NCOA1: variants seen among roughly 807,000 people sequenced by gnomAD.
NCOA1 encodes nuclear receptor coactivator 1.
A neutral mutation model predicts 150.9 loss-of-function variants in NCOA1; 35 were observed. The ratio of observed to expected loss-of-function variants is 0.23; its 90% CI spans 0.18 to 0.31. The LOEUF is 0.31. Ranked by LOEUF, NCOA1 falls within the 10% of genes least tolerant of loss-of-function variation. The pLI is 1.00. For synonymous variants in NCOA1, 590 were observed against 630.0 expected, an observed-to-expected ratio of 0.94 and a Z score of 0.95; for missense variants, 1,491 against 1,749.3, an observed-to-expected ratio of 0.85 and a Z score of 2.63.
chr2:24,501,378 TAACA>T (rs1252801944), intron 1 of NCOA1, among the ~76,000 whole-genome samples: 4 of 152,152 alleles, frequency 2.6e-5, no homozygotes, highest in Admixed American at 2.0e-4. Context: ...GATATAAAAA[TAACA>T]AACCATGTTC....
intron 17 of NCOA1, among the ~76,000 whole-genome samples, chr2:24,735,628 C>T (rs982932320): frequency 3.9e-5 from 6 of 151,918 alleles, no homozygotes; most frequent in African/African-American, 1.5e-4. Context: ...AAGATTGTAA[C>T]ATTTTAAATT....
intron 1 of NCOA1, among the ~76,000 whole-genome samples, chr2:24,544,879 A>G (rs1449086367): frequency 6.6e-6 from 1 of 152,238 alleles, no homozygotes; most frequent in Non-Finnish European, 1.5e-5. Context: ...ATGAATGGTG[A>G]ATCATGGGAA....
intron 5 of NCOA1, among the ~76,000 whole-genome samples, chr2:24,662,933 G>T (rs1037838971): frequency 6.6e-6 from 1 of 151,146 alleles, no homozygotes; most frequent in Non-Finnish European, 1.5e-5. Flanking sequence ...GACTACAGGC[G>T]CACACCATCA....
intron 1 of NCOA1, among the ~76,000 whole-genome samples, chr2:24,515,141 CAT>C (rs1008218203): frequency 6.6e-6 from 1 of 152,124 alleles, no homozygotes; most frequent in African/African-American, 2.4e-5. Flanking sequence ...TTGTTAAAAA[CAT>C]GTTTTGTATG....
At chr2:24,682,547 C>A (rs1264745023) in intron 7 of NCOA1, among the ~76,000 whole-genome samples, 2 of 152,146 alleles carry the variant, frequency 1.3e-5, no homozygotes, top group Admixed American at 1.3e-4. Context: ...TGCTGACTCG[C>A]CTTGTACCAT....
chr2:24,763,682 G>A (rs1206837989), intron 22 of NCOA1, among the ~76,000 whole-genome samples: 2 of 134,540 alleles, frequency 1.5e-5, no homozygotes, highest in Admixed American at 7.8e-5. Flanking sequence ...GTGAAGTGGC[G>A]TGATCTTGGC....
chr2:24,619,762 G>A (rs1035364965), intron 3 of NCOA1, among the ~76,000 whole-genome samples: 1 of 151,828 alleles, frequency 6.6e-6, no homozygotes, highest in Non-Finnish European at 1.5e-5. Context: ...TTACAAACAA[G>A]AAAACAAGCA....
chr2:24,496,178 C>T (rs961351895), intron 1 of NCOA1, among the ~76,000 whole-genome samples: 1 of 152,184 alleles, frequency 6.6e-6, no homozygotes, highest in African/African-American at 2.4e-5. Flanking sequence ...GCATTTACCT[C>T]TCTAATTTGT....
chr2:24,739,627 G>T, intron 18 of NCOA1, 94 bp downstream of exon 18: 2 of 870,754 alleles, frequency 2.3e-6, no homozygotes, highest in Non-Finnish European at 3.7e-6. Flanking sequence ...TGGTCTGTGA[G>T]CTGATCTTTT....
At chr2:24,701,020 T>G (rs1268545566) in intron 11 of NCOA1, among the ~76,000 whole-genome samples, 1 of 152,226 alleles carries the variant, frequency 6.6e-6, no homozygotes, top group Non-Finnish European at 1.5e-5. Flanking sequence ...TAAATTTTGT[T>G]ATTGAGACTT....
At chr2:24,657,444 T>A (rs1209800963) in intron 4 of NCOA1, among the ~76,000 whole-genome samples, 7 of 152,204 alleles carry the variant, frequency 4.6e-5, no homozygotes, top group Non-Finnish European at 1.0e-4. Context: ...GAATAAAAAA[T>A]TGTAAAATTA....
chr2:24,510,434 A>T (rs2148105503), intron 1 of NCOA1, among the ~76,000 whole-genome samples: 1 of 151,984 alleles, frequency 6.6e-6, no homozygotes, highest in South Asian at 2.1e-4. Context: ...GCAGCCTCAA[A>T]CTCCTGGGCT....
chr2:24,705,208 A>C lies in NCOA1; in HGVS notation c.1072A>C (p.Ile358Leu). 1 of 1,614,030 alleles carries C rather than the reference A, an allele frequency of 6.2e-7. No homozygotes were observed. The highest frequency in any genetic ancestry group is 8.5e-7 in the Non-Finnish European group (1 of 1,179,874). ...YPQSPDMQPF[I>L]MGIHIIDREH... is the part of the protein sequence containing the mutation. ...TCAAAGTCCAGACATGCAACCTTTCATCATGGGAATTCATATCATCGACAG... is the reference window on the plus strand; with the variant it reads ...TCAAAGTCCAGACATGCAACCTTTCCTCATGGGAATTCATATCATCGACAG... Residue 358 changes from isoleucine to leucine, a missense_variant, in exon 12 of 23, where the codon ATC becomes CTC. This residue lies in a region of NCOA1 where 703 missense variants were observed against 717.7 expected (regional missense o/e 0.98). Coordinates refer to ENST00000348332, the MANE Select transcript of NCOA1 (RefSeq NM_003743.5).
At chr2:24,660,324 T>G (rs1164655489) in intron 5 of NCOA1, among the ~76,000 whole-genome samples, 2 of 152,010 alleles carry the variant, frequency 1.3e-5, no homozygotes, top group Non-Finnish European at 2.9e-5. Context: ...TACAACAGAA[T>G]GTAATTGATA....
At chr2:24,605,467 A>G (rs1303844082) in intron 3 of NCOA1, among the ~76,000 whole-genome samples, 1 of 152,154 alleles carries the variant, frequency 6.6e-6, no homozygotes, top group Non-Finnish European at 1.5e-5. Flanking sequence ...TATTCAGTTA[A>G]GGGTATGTGA....
chr2:24,693,936 G>A (rs1458303576), intron 10 of NCOA1, among the ~76,000 whole-genome samples: 2 of 152,170 alleles, frequency 1.3e-5, no homozygotes, highest in African/African-American at 2.4e-5. Flanking sequence ...AGGCCTGTCT[G>A]AGGAGCTGAT....
intron 14 of NCOA1, among the ~76,000 whole-genome samples, chr2:24,715,017 T>C (rs1489262162): frequency 1.3e-5 from 2 of 152,040 alleles, no homozygotes; most frequent in African/African-American, 4.8e-5. Context: ...TGAAAAAAGA[T>C]AGAAAATGAT....
At chr2:24,629,225 A>G (rs182535381) in intron 3 of NCOA1, among the ~76,000 whole-genome samples, 1 of 152,300 alleles carries the variant, frequency 6.6e-6, no homozygotes, top group African/African-American at 2.4e-5. Flanking sequence ...TTGTCTTCAA[A>G]ATAGATGTGT....
intron 1 of NCOA1, among the ~76,000 whole-genome samples, chr2:24,492,348 C>T (rs1204625017): frequency 6.6e-6 from 1 of 152,170 alleles, no homozygotes; most frequent in African/African-American, 2.4e-5. Flanking sequence ...TCGGGCCGCT[C>T]TCTAGTCCCT....
Sources: allele counts gnomAD v4.1 joint callset (sites outside exome capture counted in the v4.1 genomes callset), GRCh38; gene constraint gnomAD v4.1.1; regional missense constraint gnomAD v4.1.1; transcripts MANE v1.5; gene names NCBI Gene and HGNC (gene_info 2026-07-23, HGNC 2026-07-21).